Variants in VTA1 observed in about 807,000 individuals in gnomAD.
The protein encoded by VTA1 is vesicle trafficking 1.
Under a neutral mutation model 36.9 loss-of-function variants are expected in VTA1, and 24 were observed. The observed-to-expected ratio is 0.65, with a 90% confidence interval of 0.47 to 0.91. The LOEUF (loss-of-function observed/expected upper bound fraction) is 0.91, where lower values mean the gene tolerates loss of function less well. Ranked by LOEUF, VTA1 falls within the 40% of genes least tolerant of loss-of-function variation. The pLI, the probability that VTA1 is intolerant of heterozygous loss-of-function variation, is 0.00. For synonymous variants in VTA1, 142 were observed against 130.2 expected (o/e 1.09, Z -0.62); for missense variants, 393 against 377.2 (o/e 1.04, Z -0.35).
intron 5 of VTA1, among the ~76,000 whole-genome samples, chr6:142,192,203 G>A (rs1217741644): frequency 9.2e-5 from 14 of 151,938 alleles, no homozygotes; most frequent in Non-Finnish European, 1.9e-4. Flanking sequence ...ACTGTACTTC[G>A]AGAACCCTTA....
chr6:142,217,633 G>A (rs1443956068), intron 7 of VTA1, among the ~76,000 whole-genome samples: 11 of 151,770 alleles, frequency 7.2e-5, no homozygotes, highest in South Asian at 2.1e-4. Context: ...TCTAAGTACA[G>A]CCTTGTACTT....
chr6:142,185,956 C>G (rs571763312), intron 4 of VTA1, among the ~76,000 whole-genome samples: 62 of 152,106 alleles, frequency 4.1e-4, no homozygotes, highest in Non-Finnish European at 7.4e-4. Context: ...TTTTAATGAG[C>G]TTATATTGTA....
At chr6:142,148,939 A>G (rs1267508903) in intron 1 of VTA1, among the ~76,000 whole-genome samples, 1 of 152,184 alleles carries the variant, frequency 6.6e-6, no homozygotes, top group African/African-American at 2.4e-5. Context: ...TGATGGGATA[A>G]GGTCAAAGAA....
chr6:142,179,040 AG>A (rs543600156), intron 4 of VTA1, among the ~76,000 whole-genome samples: 31 of 152,254 alleles, frequency 2.0e-4, no homozygotes, highest in Non-Finnish European at 1.9e-4. Flanking sequence ...AAGACAATAC[AG>A]TTACAAATGT....
chr6:142,192,821 G>C (rs1032895244), intron 5 of VTA1, among the ~76,000 whole-genome samples: 8 of 151,948 alleles, frequency 5.3e-5, no homozygotes, highest in Middle Eastern at 3.2e-3. Flanking sequence ...GGCTTCACAA[G>C]AGGATATCAT....
rs981333742 is a variant in VTA1 at position 142,224,596 on chromosome 6, C to T, written c.*5953C>T. ...CTGGTAATTCACATGAAGCTTGATG[C>T]ATTGTAAGTATTCTGACCTGGTGAA... On this transcript the variant is annotated 3_prime_UTR_variant, in exon 8 of 8. Transcript: ENST00000367630. The T allele has an allele frequency of 2.6e-5, 4 of 152,010 alleles. No individual in the cohort carries two copies. The East Asian group carries it at 7.7e-4, about 29-fold the overall frequency. The allele number at this position is 152,010 out of a possible 1,614,324, so 9.4% of individuals were successfully genotyped here.
intron 6 of VTA1, among the ~76,000 whole-genome samples, chr6:142,202,552 A>C (rs1031543879): frequency 2.6e-5 from 4 of 152,012 alleles, no homozygotes; most frequent in African/African-American, 9.7e-5. Context: ...AGGACACATT[A>C]AGTGAAAAAT....
intron 4 of VTA1, among the ~76,000 whole-genome samples, chr6:142,172,840 G>A (rs1775053628): frequency 6.6e-6 from 1 of 152,078 alleles, no homozygotes; most frequent in South Asian, 2.1e-4. Flanking sequence ...AGCCAGGTCA[G>A]ACAGATGATG....
At chr6:142,213,708 A>C (rs1380465144) in intron 7 of VTA1, among the ~76,000 whole-genome samples, 1 of 151,844 alleles carries the variant, frequency 6.6e-6, no homozygotes, top group African/African-American at 2.4e-5. Context: ...CCAACACCAC[A>C]CCTTGGTGTG....
intron 1 of VTA1, among the ~76,000 whole-genome samples, chr6:142,163,484 C>T (rs913524160): frequency 5.3e-5 from 8 of 152,006 alleles, no homozygotes; most frequent in African/African-American, 1.9e-4. Flanking sequence ...GTTACAACTC[C>T]TTAGTAATAA....
At chr6:142,194,958 T>A (rs1162094433) in intron 5 of VTA1, among the ~76,000 whole-genome samples, 1 of 152,104 alleles carries the variant, frequency 6.6e-6, no homozygotes, top group Non-Finnish European at 1.5e-5. Context: ...GATTTTCAAA[T>A]GTTGAACCAA....
chr6:142,218,196 G>A (rs1210391171), intron 7 of VTA1, among the ~76,000 whole-genome samples: 1 of 152,054 alleles, frequency 6.6e-6, no homozygotes, highest in African/African-American at 2.4e-5. Context: ...TGAAGAGAGA[G>A]GCTAAGTGAT....
intron 1 of VTA1, among the ~76,000 whole-genome samples, chr6:142,157,048 C>T (rs1778675493): frequency 6.6e-6 from 1 of 152,192 alleles, no homozygotes; most frequent in Non-Finnish European, 1.5e-5. Flanking sequence ...CCTGTAGTCC[C>T]AGCTACTCAG....
At chr6:142,187,555 GA>G (rs773694079) in intron 4 of VTA1, among the ~76,000 whole-genome samples, 3 of 152,122 alleles carry the variant, frequency 2.0e-5, no homozygotes, top group Non-Finnish European at 2.9e-5. Context: ...ATACAGAAAA[GA>G]AATATACCCT....
intron 4 of VTA1, among the ~76,000 whole-genome samples, chr6:142,177,476 A>G (rs1179760582): frequency 6.8e-6 from 1 of 148,016 alleles, no homozygotes; most frequent in East Asian, 1.9e-4. Flanking sequence ...AGTGCCTAGC[A>G]TGTAAGTGCT....
At chr6:142,178,002 A>T (rs573605703) in intron 4 of VTA1, among the ~76,000 whole-genome samples, 71 of 152,284 alleles carry the variant, frequency 4.7e-4, no homozygotes, top group Middle Eastern at 3.4e-3. Context: ...TACAAAGAAA[A>T]CGAGTACAAA....
chr6:142,173,584 A>G (rs1271708477), intron 4 of VTA1, among the ~76,000 whole-genome samples: 1 of 152,200 alleles, frequency 6.6e-6, no homozygotes, highest in Non-Finnish European at 1.5e-5. Context: ...TAATCCTTTA[A>G]AGTTATAACT....
intron 1 of VTA1, among the ~76,000 whole-genome samples, chr6:142,154,376 A>G (rs915787825): frequency 1.6e-4 from 25 of 152,106 alleles, no homozygotes; most frequent in African/African-American, 6.0e-4. Context: ...CAGTTTAATC[A>G]TTGAAGACAT....
At position 142,189,450 on chromosome 6, in the gene VTA1, A is replaced by AGATG; in HGVS notation, c.439_442dup (p.Lys148MetfsTer8). ...GAATGTGAAACACAGGAAGTATGCC[A>AGATG]GATGGAAGGCAACATACATCCATAA... On this transcript the variant is annotated frameshift_variant, in exon 5 of 8. Transcript: ENST00000367630. LOFTEE classifies it high-confidence loss of function. 6.2e-7 allele frequency: 1 copy of AGATG among 1,614,000 alleles called. No homozygotes were observed. The highest frequency in any genetic ancestry group is 8.5e-7 in the Non-Finnish European group (1 of 1,179,888).
Sources: gnomAD v4.1 joint callset for allele counts (sites outside exome capture counted in the v4.1 genomes callset) on GRCh38, gnomAD v4.1.1 for gene constraint, MANE v1.5 for transcripts, NCBI Gene and HGNC (gene_info 2026-07-23, HGNC 2026-07-21) for gene names.